The following CRB1 variants were observed in gnomAD, a reference collection of about 807,000 sequenced individuals.
CRB1 encodes the protein protein crumbs homolog 1.
CRB1 carries 83 observed loss-of-function variants against 120.0 expected under a neutral mutation model. The observed-to-expected ratio is 0.69, with a 90% CI of 0.58 to 0.83. CRB1 has a LOEUF of 0.83. Among genes scored for constraint, CRB1 ranks in the 40% least tolerant of loss-of-function variants. CRB1 has a pLI of 0.00. For synonymous variants in CRB1, 625 were observed against 612.5 expected (o/e 1.02, Z -0.30); for missense variants, 1,699 against 1,687.6 (o/e 1.01, Z -0.12).
chr1:197,339,071 T>C (rs1571864764), intron 2 of CRB1, among the ~76,000 whole-genome samples: 1 of 152,230 alleles, frequency 6.6e-6, no homozygotes, highest in South Asian at 2.1e-4. Context: ...AAGAGAATTT[T>C]GTTATTTTTG....
the CRB1 span, among the ~76,000 whole-genome samples, chr1:197,236,051 T>C: frequency 6.6e-6 from 1 of 152,126 alleles, no homozygotes; most frequent in African/African-American, 2.4e-5. Context: ...CTTAATCTGA[T>C]GGTTGTGTTC....
intron 5 of CRB1, among the ~76,000 whole-genome samples, chr1:197,420,429 C>T (rs1664244106): frequency 6.6e-6 from 1 of 152,090 alleles, no homozygotes; most frequent in Admixed American, 6.5e-5. Context: ...TTTACACTGG[C>T]ATTGCAGGGA....
At chr1:197,247,898 A>G in the CRB1 span, among the ~76,000 whole-genome samples, 1 of 152,162 alleles carries the variant, frequency 6.6e-6, no homozygotes, top group East Asian at 1.9e-4. Context: ...TAAATCATCT[A>G]ATTGACCATG....
At chr1:197,280,750 T>G (rs897137115) in intron 1 of CRB1, among the ~76,000 whole-genome samples, 2 of 151,954 alleles carry the variant, frequency 1.3e-5, no homozygotes, top group Non-Finnish European at 2.9e-5. Flanking sequence ...TAGTTTTTAT[T>G]ATGTCCTTTT....
rs530158330 is a variant in CRB1 at position 197,382,311 on chromosome 1, G to A, written c.1171+25298G>A. On this transcript the variant is annotated intron_variant, in intron 5 of 11. Transcript: ENST00000367400. ...TCATTAAATATCCCCCTAGAGGGCA[G>A]GTACTTAGGGCTCATGACTGTATTT... 2.0e-5 allele frequency among the ~76,000 whole-genome samples: 3 copies of A among 152,246 alleles called. No individual in the cohort carries two copies. The South Asian group carries it at 6.2e-4, about 32-fold the overall frequency.
intron 5 of CRB1, among the ~76,000 whole-genome samples, chr1:197,360,179 C>T (rs1307659341): frequency 6.6e-6 from 1 of 152,198 alleles, no homozygotes; most frequent in Non-Finnish European, 1.5e-5. Flanking sequence ...CACTTCCTTC[C>T]CAAGAGATAA....
intron 1 of CRB1, 147 bp from the exon 2 acceptor site, chr1:197,328,275 T>G: frequency 1.5e-6 from 1 of 648,256 alleles, no homozygotes; most frequent in South Asian, 2.0e-5. Flanking sequence ...TATAGTAATG[T>G]AGATGACGTA....
chr1:197,221,151 T>C, the CRB1 span, among the ~76,000 whole-genome samples: 1 of 151,966 alleles, frequency 6.6e-6, no homozygotes, highest in Non-Finnish European at 1.5e-5. Flanking sequence ...ATAGAAGAGA[T>C]TTTTAGAGGC....
the CRB1 span, among the ~76,000 whole-genome samples, chr1:197,242,760 C>T: frequency 2.0e-5 from 3 of 152,144 alleles, no homozygotes; most frequent in African/African-American, 7.2e-5. Context: ...ACCAGCTCCT[C>T]TTTGTACCTC....
chr1:197,211,718 T>G, the CRB1 span, among the ~76,000 whole-genome samples: 1 of 152,190 alleles, frequency 6.6e-6, no homozygotes, highest in Non-Finnish European at 1.5e-5. Flanking sequence ...ATTCATAAAG[T>G]GGAAAAATCC....
At chr1:197,465,885 T>C (rs1666729022) in intron 11 of CRB1, among the ~76,000 whole-genome samples, 1 of 152,236 alleles carries the variant, frequency 6.6e-6, no homozygotes, top group South Asian at 2.1e-4. Flanking sequence ...TTTCTGTGTT[T>C]GCTTTTTAAA....
intron 5 of CRB1, among the ~76,000 whole-genome samples, chr1:197,399,900 C>A (rs1047950893): frequency 9.9e-5 from 15 of 152,196 alleles, no homozygotes; most frequent in African/African-American, 3.6e-4. Context: ...AGTCTTCTGG[C>A]AAGGTGGAAG....
intron 11 of CRB1, among the ~76,000 whole-genome samples, chr1:197,451,274 A>G (rs1467129083): frequency 6.6e-6 from 1 of 152,214 alleles, no homozygotes; most frequent in African/African-American, 2.4e-5. Context: ...ACATTTCTCA[A>G]GATTATGGCA....
intron 2 of CRB1, among the ~76,000 whole-genome samples, chr1:197,340,659 CG>C (rs1312003627): frequency 6.6e-6 from 1 of 151,916 alleles, no homozygotes; most frequent in African/African-American, 2.4e-5. Context: ...AATTAGGACA[CG>C]GGGAATAGTG....
chr1:197,396,091 A>C (rs1400424089), intron 5 of CRB1, among the ~76,000 whole-genome samples: 3 of 152,172 alleles, frequency 2.0e-5, no homozygotes, highest in African/African-American at 7.2e-5. Context: ...TTATACAGAA[A>C]ATTTCAAAGA....
intron 5 of CRB1, among the ~76,000 whole-genome samples, chr1:197,364,876 G>C (rs1660977173): frequency 6.6e-6 from 1 of 151,866 alleles, no homozygotes; most frequent in Non-Finnish European, 1.5e-5. Context: ...ATTTATCTCT[G>C]GGTTGACATC....
chr1:197,262,870 T>G, the CRB1 span, among the ~76,000 whole-genome samples: 2 of 152,246 alleles, frequency 1.3e-5, no homozygotes, highest in Non-Finnish European at 2.9e-5. Flanking sequence ...TTGTTGTGTT[T>G]ATGGCTACAA....
chr1:197,283,711 C>G (rs1397174157), intron 1 of CRB1, among the ~76,000 whole-genome samples: 1 of 151,608 alleles, frequency 6.6e-6, no homozygotes, highest in Non-Finnish European at 1.5e-5. Flanking sequence ...ATTGAAATTA[C>G]AAGGGATTGC....
At chr1:197,323,352 A>G (rs574712528) in intron 1 of CRB1, among the ~76,000 whole-genome samples, 4 of 152,332 alleles carry the variant, frequency 2.6e-5, no homozygotes, top group African/African-American at 9.6e-5. Flanking sequence ...TGACATTGAA[A>G]TTATATCTGT....
Sources: gnomAD v4.1 joint callset for allele counts (sites outside exome capture counted in the v4.1 genomes callset) on GRCh38, gnomAD v4.1.1 for gene constraint, MANE v1.5 for transcripts, NCBI Gene and HGNC (gene_info 2026-07-23, HGNC 2026-07-21) for gene names.